The following AGPAT4 variants were observed in gnomAD, a reference collection of about 807,000 sequenced individuals.
The protein encoded by AGPAT4 is 1-acylglycerol-3-phosphate O-acyltransferase 4.
AGPAT4 carries 15 observed loss-of-function variants against 48.0 expected under a neutral mutation model. That is an observed-to-expected ratio of 0.31 (90% CI 0.21 to 0.48). AGPAT4 has a LOEUF of 0.48. Among genes scored for constraint, AGPAT4 ranks in the 20% least tolerant of loss-of-function variants. The pLI, the probability that AGPAT4 is intolerant of heterozygous loss-of-function variation, is 0.99. For synonymous variants in AGPAT4, 178 were observed against 198.7 expected (o/e 0.90, Z 0.88); for missense variants, 314 against 482.5 (o/e 0.65, Z 3.27).
chr6:161,265,496 G>A (rs1264395859), intron 1 of AGPAT4, among the ~76,000 whole-genome samples: 2 of 151,794 alleles, frequency 1.3e-5, no homozygotes, highest in Non-Finnish European at 2.9e-5. Flanking sequence ...GTGCTGATTA[G>A]TACCCACTGC....
chr6:161,153,956 T>C (rs1471026412), intron 4 of AGPAT4, 193 bp downstream of exon 4: 1 of 663,940 alleles, frequency 1.5e-6, no homozygotes, highest in South Asian at 1.8e-5. Flanking sequence ...CCCACAGTCA[T>C]ACGTGGCCCC....
rs556030972 is a variant in AGPAT4 at position 161,147,488 on chromosome 6, TAGTA to T, written c.768-893_768-890del. On this transcript the variant is annotated intron_variant, in intron 6 of 8. Coordinates refer to ENST00000320285, the MANE Select transcript of AGPAT4 (RefSeq NM_020133.3). This position sits in a 1 kb window ranked among gnomAD's most constrained non-coding sequence, Gnocchi z 4.8. ...TCCCTTCTATGGCCTAAGAATATCT[TAGTA>T]AGAAGATTTGAGAGTTTATCTATCA... is the stretch of plus-strand genomic sequence containing the variant. Among the ~76,000 whole-genome samples, 14 of 152,320 alleles carry T rather than the reference TAGTA, an allele frequency of 9.2e-5. No individual in the cohort carries two copies. The South Asian group carries it at 2.5e-3, about 27-fold the overall frequency.
rs1266976356 is a variant in AGPAT4 at position 161,217,598 on chromosome 6, G to T, written c.178+14438C>A. Among the ~76,000 whole-genome samples the T allele has an allele frequency of 6.6e-6, 1 of 152,218 alleles. No homozygotes were observed. The highest frequency in any genetic ancestry group is 1.5e-5 in the Non-Finnish European group (1 of 68,042). On this transcript the variant is annotated intron_variant, in intron 2 of 8. Transcript: ENST00000320285. The surrounding 1 kb of genome is among the most constrained non-coding windows in gnomAD (Gnocchi z 4.9). ...TGTTCAGCTCTAGTTGGAGACATAGGTATATATAATCTGTTCCTTTCCATT... is the reference window on the plus strand; with the variant it reads ...TGTTCAGCTCTAGTTGGAGACATAGTTATATATAATCTGTTCCTTTCCATT...
In AGPAT4 at chr6:161,139,297, G is replaced by T; in HGVS notation, c.1042+125C>A. On this transcript the variant is annotated intron_variant, in intron 8 of 8. Coordinates refer to ENST00000320285, the MANE Select transcript of AGPAT4 (RefSeq NM_020133.3). The surrounding 1 kb of genome is among the most constrained non-coding windows in gnomAD (Gnocchi z 9.1). ...TGAAGTCTAATCTTTCCCTGTGATT[G>T]CAAGCTGAGCCTGCTCCTCATCCAC... The T allele has an allele frequency of 2.7e-6, 3 of 1,094,368 alleles. No homozygotes were observed. The highest frequency in any genetic ancestry group is 1.5e-5 in the South Asian group (1 of 66,044). The allele number at this position is 1,094,368 out of a possible 1,614,324, so 67.8% of individuals were successfully genotyped here. A position where few individuals can be genotyped will look rare whatever the true frequency, so the allele number is the denominator to read the frequency against.
Position 161,272,311 on chromosome 6 carries a change from G to A in AGPAT4, c.-90+1627C>T, listed in dbSNP as rs1394346001. On this transcript the variant is annotated intron_variant, in intron 1 of 8. Transcript: ENST00000320285. The surrounding 1 kb of genome is among the most constrained non-coding windows in gnomAD (Gnocchi z 4.2). Reference sequence around the variant, plus strand: ...TTTGGCTTTAGCAGCCGGAAGGTATGAGGGCTAAGTGACCTTCACACATGT... The same window carrying A: ...TTTGGCTTTAGCAGCCGGAAGGTATAAGGGCTAAGTGACCTTCACACATGT... Among the ~76,000 whole-genome samples the A allele has an allele frequency of 6.6e-6, 1 of 152,216 alleles. No individual in the cohort carries two copies. The highest frequency in any genetic ancestry group is 2.4e-5 in the African/African-American group (1 of 41,446).
At chr6:161,193,998 G>A (rs1780994202) in intron 2 of AGPAT4, among the ~76,000 whole-genome samples, 1 of 152,172 alleles carries the variant, frequency 6.6e-6, no homozygotes, top group Admixed American at 6.5e-5. Flanking sequence ...TGTAAAAGAA[G>A]GTTACACGCA....
At chr6:161,176,394 C>T (rs1280090845) in intron 2 of AGPAT4, among the ~76,000 whole-genome samples, 1 of 151,556 alleles carries the variant, frequency 6.6e-6, no homozygotes, top group Non-Finnish European at 1.5e-5. Flanking sequence ...TATGTAATGG[C>T]CTTCTTTGTC....
At position 161,243,470 on chromosome 6, in the gene AGPAT4, C is replaced by T. The variant is rs1269959194; in HGVS notation, c.-89-11168G>A. 6.6e-6 allele frequency among the ~76,000 whole-genome samples: 1 copy of T among 152,206 alleles called. No homozygotes were observed. The highest frequency in any genetic ancestry group is 1.9e-4 in the East Asian group (1 of 5,196). ...GCCTCGGCCATCCTGCGCACTTGGC[C>T]CACCACAAGGCTGTGTGCCCAGAGC... On this transcript the variant is annotated intron_variant, in intron 1 of 8. Coordinates refer to ENST00000320285, the MANE Select transcript of AGPAT4 (RefSeq NM_020133.3). The surrounding 1 kb of genome is among the most constrained non-coding windows in gnomAD (Gnocchi z 4.8).
rs1783105262 is a variant in AGPAT4, at chr6:161,261,669, G to C, written c.-90+12269C>G. 6.6e-6 allele frequency among the ~76,000 whole-genome samples: 1 copy of C among 152,232 alleles called. No homozygotes were observed. The highest frequency in any genetic ancestry group is 2.1e-4 in the South Asian group (1 of 4,826). On this transcript the variant is annotated intron_variant, in intron 1 of 8. Coordinates refer to ENST00000320285, the MANE Select transcript of AGPAT4 (RefSeq NM_020133.3). This position sits in a 1 kb window ranked among gnomAD's most constrained non-coding sequence, Gnocchi z 5.3. ...CATGTAGTGTTTGTAAGCTACATTT[G>C]ACATGGGACAAGTCAGTAATTGAGC...
Position 161,232,229 on chromosome 6 carries a change from T to C in AGPAT4, c.-16A>G, listed in dbSNP as rs945071528. On this transcript the variant is annotated 5_prime_UTR_variant, in exon 2 of 9. Coordinates refer to ENST00000320285, the MANE Select transcript of AGPAT4 (RefSeq NM_020133.3). The surrounding 1 kb of genome is among the most constrained non-coding windows in gnomAD (Gnocchi z 6.8). ...CGAGGTCCATGATGCGTGGACGCTC[T>C]TATTCAGAAATAAATAACTACCCAC... The C allele has an allele frequency of 6.2e-7, 1 of 1,608,010 alleles. No homozygotes were observed.
At chr6:161,179,611 C>T (rs1372746004) in intron 2 of AGPAT4, among the ~76,000 whole-genome samples, 1 of 152,166 alleles carries the variant, frequency 6.6e-6, no homozygotes, top group Non-Finnish European at 1.5e-5. Context: ...CATTGGTCCA[C>T]TTATATACAG....
rs891429333 is a variant in AGPAT4 at position 161,244,853 on chromosome 6, G to T, written c.-89-12551C>A. Among the ~76,000 whole-genome samples the T allele has an allele frequency of 6.6e-5, 10 of 152,154 alleles. No homozygotes were observed. The highest frequency in any genetic ancestry group is 2.4e-4 in the African/African-American group (10 of 41,424). ...TGAGCAAAGCTCCTAATCAGTGAAGGTCACCAACCACAGACAGATGGGCCA... is the reference window on the plus strand; with the variant it reads ...TGAGCAAAGCTCCTAATCAGTGAAGTTCACCAACCACAGACAGATGGGCCA... On this transcript the variant is annotated intron_variant, in intron 1 of 8. Transcript: ENST00000320285. The surrounding 1 kb of genome is among the most constrained non-coding windows in gnomAD (Gnocchi z 4.7).
Position 161,234,919 on chromosome 6 carries a change from G to A in AGPAT4, c.-89-2617C>T, listed in dbSNP as rs1318590024. ...TTTCAAGGTAAATTGAAATTTTACC[G>A]TGCGTAAAACCCTCACTAGCAATGC... On this transcript the variant is annotated intron_variant, in intron 1 of 8. Transcript: ENST00000320285. This position sits in a 1 kb window ranked among gnomAD's most constrained non-coding sequence, Gnocchi z 4.4. 4.6e-5 allele frequency among the ~76,000 whole-genome samples: 7 copies of A among 151,800 alleles called. No homozygotes were observed. The highest frequency in any genetic ancestry group is 2.0e-4 in the Admixed American group (3 of 15,238).
At chr6:161,250,389 T>C (rs1225761504) in intron 1 of AGPAT4, among the ~76,000 whole-genome samples, 1 of 152,216 alleles carries the variant, frequency 6.6e-6, no homozygotes, top group Non-Finnish European at 1.5e-5. Context: ...ATTTTAAATC[T>C]ATTTTATATG....
In AGPAT4 at chr6:161,142,145, C is replaced by T. The variant is rs932890815; in HGVS notation, c.844-2525G>A. 3.3e-5 allele frequency among the ~76,000 whole-genome samples: 5 copies of T among 152,224 alleles called. No individual in the cohort carries two copies. The highest frequency in any genetic ancestry group is 4.8e-5 in the African/African-American group (2 of 41,464). On this transcript the variant is annotated intron_variant, in intron 7 of 8. Transcript: ENST00000320285. This position sits in a 1 kb window ranked among gnomAD's most constrained non-coding sequence, Gnocchi z 6.4. The stretch of plus-strand genomic sequence containing the variant: ...TTGGGATTACAGGCGTGAGCCATTG[C>T]GCCCAGCCCCATTCACTTTAAAGTT...
rs185989674 is a variant in AGPAT4 at position 161,140,184 on chromosome 6, T to C, written c.844-564A>G. ...CACCCTGTTTGCCACTGGAGGGCTC[T>C]GAGGGCCGTGATTCAAGGCATCATG... On this transcript the variant is annotated intron_variant, in intron 7 of 8. Coordinates refer to ENST00000320285, the MANE Select transcript of AGPAT4 (RefSeq NM_020133.3). The surrounding 1 kb of genome is among the most constrained non-coding windows in gnomAD (Gnocchi z 6.5). 1.2e-4 allele frequency among the ~76,000 whole-genome samples: 19 copies of C among 152,314 alleles called. No homozygotes were observed. The highest frequency in any genetic ancestry group is 3.9e-4 in the Admixed American group (6 of 15,308).
Position 161,215,929 on chromosome 6 carries a change from C to A in AGPAT4, c.178+16107G>T, listed in dbSNP as rs1394639052. Among the ~76,000 whole-genome samples the A allele has an allele frequency of 6.6e-6, 1 of 152,190 alleles. No individual in the cohort carries two copies. Among genetic ancestry groups the A allele is most frequent in the African/African-American group, 2.4e-5 (1 of 41,448 alleles). ...ATCTATGCCGGCAAGCAAAACTCTT[C>A]GCATGCACCCTGCCATGAAGGGCTA... On this transcript the variant is annotated intron_variant, in intron 2 of 8. Coordinates refer to ENST00000320285, the MANE Select transcript of AGPAT4 (RefSeq NM_020133.3). This position sits in a 1 kb window ranked among gnomAD's most constrained non-coding sequence, Gnocchi z 4.5.
chr6:161,213,070 G>T (rs1456596939), intron 2 of AGPAT4, among the ~76,000 whole-genome samples: 1 of 152,164 alleles, frequency 6.6e-6, no homozygotes, highest in Non-Finnish European at 1.5e-5. Flanking sequence ...CCTGTGGTAG[G>T]TAAACAATGT....
chr6:161,253,777 TAC>T (rs1782869497), intron 1 of AGPAT4, among the ~76,000 whole-genome samples: 1 of 152,212 alleles, frequency 6.6e-6, no homozygotes, highest in African/African-American at 2.4e-5. Flanking sequence ...AGCTCCTTTC[TAC>T]ATTCAACACT....
Sources: gnomAD v4.1 joint callset for allele counts (sites outside exome capture counted in the v4.1 genomes callset) on GRCh38, gnomAD v4.1.1 for gene constraint, Gnocchi (gnomAD v3.1) non-coding constraint, MANE v1.5 for transcripts, NCBI Gene and HGNC (gene_info 2026-07-23, HGNC 2026-07-21) for gene names.